PDE8A: variants seen among roughly 807,000 people sequenced by gnomAD.
The protein encoded by PDE8A is high affinity cAMP-specific and IBMX-insensitive 3',5'-cyclic phosphodiesterase 8A.
Under a neutral mutation model 105.0 loss-of-function variants are expected in PDE8A, and 59 were observed. That is an observed-to-expected ratio of 0.56 (90% CI 0.46 to 0.70). PDE8A has a LOEUF of 0.70. PDE8A is among the 30% of genes least tolerant of loss of function. The pLI, the probability that PDE8A is intolerant of heterozygous loss-of-function variation, is 0.00. For synonymous variants in PDE8A, 355 were observed against 371.9 expected, an observed-to-expected ratio of 0.95 and a Z score of 0.52; for missense variants, 1,014 against 1,045.9, an observed-to-expected ratio of 0.97 and a Z score of 0.42.
chr15:84,983,081 G>A (rs990341419), intron 1 of PDE8A, among the ~76,000 whole-genome samples: 2 of 152,150 alleles, frequency 1.3e-5, no homozygotes, highest in Non-Finnish European at 2.9e-5. Flanking sequence ...TCCAGCGCAT[G>A]TTGCCTTGGC....
At chr15:85,080,540 G>A (rs1039644786) in intron 5 of PDE8A, among the ~76,000 whole-genome samples, 4 of 152,140 alleles carry the variant, frequency 2.6e-5, no homozygotes, top group African/African-American at 9.7e-5. Context: ...GCCGCATGAG[G>A]TCATTAAGGC....
At chr15:84,985,278 T>C (rs1180557699) in intron 1 of PDE8A, among the ~76,000 whole-genome samples, 6 of 152,234 alleles carry the variant, frequency 3.9e-5, no homozygotes, top group Non-Finnish European at 8.8e-5. Flanking sequence ...TCTTGCAATA[T>C]ATTAGGCTGG....
At chr15:85,108,728 C>A (rs530006948) in intron 11 of PDE8A, among the ~76,000 whole-genome samples, 5 of 152,006 alleles carry the variant, frequency 3.3e-5, no homozygotes, top group African/African-American at 4.8e-5. Context: ...ATTTTCCCAT[C>A]ATTTTATTCA....
chr15:84,984,662 T>G (rs1399279377), intron 1 of PDE8A, among the ~76,000 whole-genome samples: 3 of 152,226 alleles, frequency 2.0e-5, no homozygotes, highest in Admixed American at 1.3e-4. Flanking sequence ...GTATGTACTT[T>G]GCGTTAAAGT....
rs2081318214 is a variant in PDE8A at position 85,072,008 on chromosome 15, G to A, written c.435-3854G>A. ...AGGGAAGATCTCATAAAGGGATATA[G>A]AGGAAATAAAAAAAGTACTACTTGA... On this transcript the variant is annotated intron_variant, in intron 3 of 21. Transcript: ENST00000394553. Among the ~76,000 whole-genome samples the A allele has an allele frequency of 3.9e-5, 6 of 152,272 alleles. No homozygotes were observed. The South Asian group carries it at 1.2e-3, about 32-fold the overall frequency.
chr15:85,061,071 C>G (rs1362257719), intron 1 of PDE8A, among the ~76,000 whole-genome samples: 1 of 151,922 alleles, frequency 6.6e-6, no homozygotes, highest in African/African-American at 2.4e-5. Context: ...TAATTCCTCC[C>G]TCACTTTTGA....
intron 1 of PDE8A, among the ~76,000 whole-genome samples, chr15:85,041,833 C>T (rs923998416): frequency 6.6e-6 from 1 of 152,126 alleles, no homozygotes; most frequent in Non-Finnish European, 1.5e-5. Flanking sequence ...ATCCTAATGT[C>T]CCCCATCCTT....
intron 1 of PDE8A, among the ~76,000 whole-genome samples, chr15:85,006,313 G>A (rs981275506): frequency 6.6e-6 from 1 of 152,014 alleles, no homozygotes; most frequent in Admixed American, 6.6e-5. Flanking sequence ...TCCTTTCAGA[G>A]GGACAAGGTT....
chr15:85,114,182 G>C, intron 14 of PDE8A, 145 bp downstream of exon 14: 1 of 689,586 alleles, frequency 1.5e-6, no homozygotes, highest in East Asian at 2.7e-5. Flanking sequence ...CATTGCCTGG[G>C]TTCTGCTATT....
intron 1 of PDE8A, among the ~76,000 whole-genome samples, chr15:85,037,275 CACTGGTCTCAA>C (rs914649876): frequency 6.6e-6 from 1 of 152,076 alleles, no homozygotes; most frequent in African/African-American, 2.4e-5. Context: ...ATGTTGGTCA[CACTGGTCTCAA>C]ACTCCCAACC....
chr15:85,022,542 T>A (rs1227606854), intron 1 of PDE8A, among the ~76,000 whole-genome samples: 1 of 15,068 alleles, frequency 6.6e-5, no homozygotes, highest in South Asian at 2.2e-3. Context: ...TATGCAAAAT[T>A]TTTTTTTTTT....
chr15:84,982,852 C>T (rs997932644), intron 1 of PDE8A, among the ~76,000 whole-genome samples: 2 of 152,186 alleles, frequency 1.3e-5, no homozygotes, highest in African/African-American at 2.4e-5. Context: ...TTCGGGACTG[C>T]TAGAATGTAA....
intron 1 of PDE8A, among the ~76,000 whole-genome samples, chr15:85,020,244 G>A (rs1399092947): frequency 1.3e-5 from 2 of 152,090 alleles, no homozygotes; most frequent in Non-Finnish European, 2.9e-5. Flanking sequence ...GTGTTTTGAA[G>A]TCCTTCAGTC....
chr15:85,010,708 C>G (rs2080225412), intron 1 of PDE8A, among the ~76,000 whole-genome samples: 1 of 152,130 alleles, frequency 6.6e-6, no homozygotes, highest in Non-Finnish European at 1.5e-5. Flanking sequence ...TTCTGTCACC[C>G]ATTTCAACTT....
At chr15:85,093,811 C>T (rs957508208) in intron 8 of PDE8A, among the ~76,000 whole-genome samples, 1 of 152,122 alleles carries the variant, frequency 6.6e-6, no homozygotes, top group African/African-American at 2.4e-5. Context: ...CCCATAGTCT[C>T]CCATCTTCTC....
rs2082462292 is a variant in PDE8A at position 85,139,119 on chromosome 15, A to G, written c.*1216A>G. ...GGTTTTTTTCCCAGATAAAAATGAA[A>G]TTAAACCATTTCTTTTTAAGAAATC... On this transcript the variant is annotated 3_prime_UTR_variant, in exon 22 of 22. Transcript: ENST00000394553. The G allele has an allele frequency of 6.6e-6, 1 of 152,222 alleles. No individual in the cohort carries two copies. 9.4% of individuals were successfully genotyped at this position (152,222 alleles called of 1,614,324 possible).
intron 15 of PDE8A, 80 bp from the exon 16 acceptor site, chr15:85,115,904 A>AGTGAGATT: frequency 1.6e-6 from 2 of 1,247,048 alleles, no homozygotes; most frequent in Non-Finnish European, 2.3e-6. Flanking sequence ...TGGGCAACAG[A>AGTGAGATT]GTGAGATTCC....
intron 11 of PDE8A, among the ~76,000 whole-genome samples, chr15:85,102,961 C>A (rs753339600): frequency 2.0e-5 from 3 of 152,134 alleles, no homozygotes; most frequent in Non-Finnish European, 4.4e-5. Flanking sequence ...TGGCTCACAC[C>A]TCTAATCCTA....
intron 12 of PDE8A, among the ~76,000 whole-genome samples, chr15:85,109,916 C>T (rs1053795096): frequency 1.3e-5 from 2 of 152,072 alleles, no homozygotes; most frequent in East Asian, 1.9e-4. Flanking sequence ...AGTGAGGAAG[C>T]GGTATGGGGT....
Sources: gnomAD v4.1 joint callset for allele counts (sites outside exome capture counted in the v4.1 genomes callset) on GRCh38, gnomAD v4.1.1 for gene constraint, MANE v1.5 for transcripts, NCBI Gene and HGNC (gene_info 2026-07-23, HGNC 2026-07-21) for gene names.